The following ATXN1 variants were observed in gnomAD, a reference collection of about 807,000 sequenced individuals.
ATXN1 encodes the protein ataxin 1.
A neutral mutation model predicts 56.4 loss-of-function variants in ATXN1; 8 were observed. The observed-to-expected ratio is 0.14, with a 90% CI of 0.08 to 0.26. ATXN1 has a LOEUF of 0.26. Among genes scored for constraint, ATXN1 ranks in the 10% least tolerant of loss-of-function variants. The probability of loss-of-function intolerance (pLI) is 1.00; values close to 1 mark genes in which losing one functional copy is unlikely to be tolerated. For synonymous variants in ATXN1, 514 were observed against 494.6 expected, an observed-to-expected ratio of 1.04 and a Z score of -0.52; for missense variants, 987 against 1,106.5, an observed-to-expected ratio of 0.89 and a Z score of 1.53.
At chr6:16,660,832 G>GTTTTTTTTTTTTTTTT (rs754718969) in intron 2 of ATXN1, among the ~76,000 whole-genome samples, 6 of 93,026 alleles carry the variant, frequency 6.4e-5, no homozygotes, top group Admixed American at 2.5e-4. Flanking sequence ...TTTTGTTTTG[G>GTTTTTTTTTTTTTTTT]TTTTTTTTTT....
At chr6:16,594,817 G>A (rs1343367150) in intron 3 of ATXN1, among the ~76,000 whole-genome samples, 3 of 152,250 alleles carry the variant, frequency 2.0e-5, no homozygotes, top group Middle Eastern at 3.4e-3. Flanking sequence ...AAAGAAATAA[G>A]CATCCTGTCC....
intron 4 of ATXN1, among the ~76,000 whole-genome samples, chr6:16,527,690 G>A (rs576399375): frequency 2.6e-5 from 4 of 152,324 alleles, no homozygotes; most frequent in Non-Finnish European, 5.9e-5. Flanking sequence ...TTTTGACCAT[G>A]TGAAATAGAA....
At position 16,327,453 on chromosome 6, in the gene ATXN1, G is replaced by A. The variant is rs202200269; in HGVS notation, c.858C>T (p.Pro286=). ...CGGCGTATTGCATGACGACCTGGGAGGGGGGCCCCAGGGTGAGCGTGTGTG... is the reference window on the plus strand; with the variant it reads ...CGGCGTATTGCATGACGACCTGGGAAGGGGGCCCCAGGGTGAGCGTGTGTG... ...MIPHTLTLGP[P]SQVVMQYADS... The change falls in exon 7 of 8, where the codon CCC becomes CCT. Residue 286 remains proline, a synonymous_variant. Transcript: ENST00000436367. 5.6e-5 allele frequency: 91 copies of A among 1,613,548 alleles called. 2 individuals are homozygous for A. The East Asian group carries it at 9.8e-4, about 17-fold the overall frequency.
chr6:16,753,006 A>C, intron 2 of ATXN1: 1 of 292,678 alleles, frequency 3.4e-6, no homozygotes. Flanking sequence ...AAGTCAAATG[A>C]AAGTCTTCAT....
At chr6:16,407,799 G>A (rs769371337) in intron 6 of ATXN1, among the ~76,000 whole-genome samples, 17 of 152,174 alleles carry the variant, frequency 1.1e-4, no homozygotes, top group Non-Finnish European at 8.8e-5. Context: ...GATACGTCTG[G>A]GTGGCCTGTG....
intron 6 of ATXN1, among the ~76,000 whole-genome samples, chr6:16,459,306 A>G (rs187536741): frequency 6.6e-6 from 1 of 152,326 alleles, no homozygotes; most frequent in African/African-American, 2.4e-5. Flanking sequence ...CACCCAGTCC[A>G]AATCAGGCTA....
chr6:16,510,987 T>C (rs758669522), intron 5 of ATXN1, among the ~76,000 whole-genome samples: 4 of 152,186 alleles, frequency 2.6e-5, no homozygotes, highest in Admixed American at 6.5e-5. Flanking sequence ...TGCATCAAAG[T>C]TTTAAAGAGT....
intron 2 of ATXN1, chr6:16,737,751 G>A (rs768952228): frequency 5.9e-5 from 9 of 152,092 alleles, no homozygotes; most frequent in African/African-American, 1.4e-4. Flanking sequence ...AAAGAGAAGC[G>A]ATGGTTCAGC....
At chr6:16,524,248 T>C (rs948546419) in intron 4 of ATXN1, among the ~76,000 whole-genome samples, 1 of 152,170 alleles carries the variant, frequency 6.6e-6, no homozygotes, top group Non-Finnish European at 1.5e-5. Flanking sequence ...ACATGACACT[T>C]ACTATGCAGT....
intron 6 of ATXN1, among the ~76,000 whole-genome samples, chr6:16,386,908 G>A (rs1189091006): frequency 6.6e-6 from 1 of 152,136 alleles, no homozygotes; most frequent in Non-Finnish European, 1.5e-5. Context: ...CTGGGCTCAA[G>A]CAATCTGCCT....
intron 4 of ATXN1, among the ~76,000 whole-genome samples, chr6:16,538,205 C>T (rs749049807): frequency 1.3e-5 from 2 of 152,106 alleles, no homozygotes; most frequent in Admixed American, 6.5e-5. Context: ...TTAAGGGCAC[C>T]GGGGCAGAGC....
chr6:16,708,746 C>T (rs1759460998), intron 2 of ATXN1, among the ~76,000 whole-genome samples: 2 of 152,138 alleles, frequency 1.3e-5, no homozygotes, highest in African/African-American at 4.8e-5. Flanking sequence ...GGAAAGCAAG[C>T]CAGGCACGGT....
At chr6:16,564,747 G>A (rs775163640) in intron 4 of ATXN1, among the ~76,000 whole-genome samples, 1 of 152,166 alleles carries the variant, frequency 6.6e-6, no homozygotes, top group Non-Finnish European at 1.5e-5. Flanking sequence ...GATGGGTATG[G>A]GATTTCCTTT....
chr6:16,315,603 C>T (rs909307055), intron 7 of ATXN1, among the ~76,000 whole-genome samples: 1 of 152,142 alleles, frequency 6.6e-6, no homozygotes, highest in Non-Finnish European at 1.5e-5. Flanking sequence ...ACCCACTGTC[C>T]TTTTCAGAGA....
At chr6:16,484,003 A>G (rs1760490467) in intron 6 of ATXN1, among the ~76,000 whole-genome samples, 1 of 152,228 alleles carries the variant, frequency 6.6e-6, no homozygotes, top group Non-Finnish European at 1.5e-5. Context: ...CAAATCTAAC[A>G]TGGCCCACAA....
intron 4 of ATXN1, among the ~76,000 whole-genome samples, chr6:16,540,120 C>T (rs1449529249): frequency 1.3e-5 from 2 of 152,166 alleles, no homozygotes; most frequent in African/African-American, 4.8e-5. Context: ...GACTGCAATG[C>T]TGAGAATCAA....
chr6:16,315,266 G>C (rs1190895478), intron 7 of ATXN1, among the ~76,000 whole-genome samples: 1 of 152,146 alleles, frequency 6.6e-6, no homozygotes, highest in Admixed American at 6.5e-5. Flanking sequence ...GTTCAATCAA[G>C]CACCTTGGAA....
intron 3 of ATXN1, among the ~76,000 whole-genome samples, chr6:16,587,894 G>A (rs1262115830): frequency 6.6e-6 from 1 of 150,542 alleles, no homozygotes; most frequent in East Asian, 2.0e-4. Context: ...TCGTGCCATT[G>A]CACTACAGCC....
intron 4 of ATXN1, among the ~76,000 whole-genome samples, chr6:16,571,728 A>G (rs1762335755): frequency 6.6e-6 from 1 of 151,828 alleles, no homozygotes; most frequent in South Asian, 2.1e-4. Context: ...TGGTGCGATC[A>G]CAGCTCACTG....
Sources: gnomAD v4.1 joint callset for allele counts (sites outside exome capture counted in the v4.1 genomes callset) on GRCh38, gnomAD v4.1.1 for gene constraint, MANE v1.5 for transcripts, NCBI Gene and HGNC (gene_info 2026-07-23, HGNC 2026-07-21) for gene names.